The following SULT2B1 variants were observed in gnomAD, a reference collection of about 807,000 sequenced individuals.
SULT2B1 encodes the protein sulfotransferase 2B1.
A neutral mutation model predicts 33.2 loss-of-function variants in SULT2B1; 16 were observed. The observed-to-expected ratio is 0.48, with a 90% CI of 0.33 to 0.73. The LOEUF (loss-of-function observed/expected upper bound fraction) is 0.73. Ranked by LOEUF, SULT2B1 falls within the 30% of genes least tolerant of loss-of-function variation. The pLI is 0.02. For synonymous variants in SULT2B1, 186 were observed against 200.5 expected (o/e 0.93, Z 0.61); for missense variants, 500 against 506.0 (o/e 0.99, Z 0.11).
chr19:48,552,352 G>A lies in SULT2B1; in HGVS notation c.71+29G>A, dbSNP rs376808418. The A allele has an allele frequency of 2.5e-6, 4 of 1,611,966 alleles. No individual in the cohort carries two copies. The African/African-American group carries it at 5.3e-5, about 22-fold the overall frequency. On this transcript the variant is annotated intron_variant, in intron 1 of 6. Transcript: ENST00000201586. This position sits in a 1 kb window ranked among gnomAD's most constrained non-coding sequence, Gnocchi z 4.8. ...AGGCCCAGACCTGGGCAGGAGCCAG[G>A]AGATCCCAGGGAGGAGGTGGCTGTT...
chr19:48,562,190 C>A (rs1290189963), intron 1 of SULT2B1, among the ~76,000 whole-genome samples: 1 of 152,100 alleles, frequency 6.6e-6, no homozygotes, highest in African/African-American at 2.4e-5. Flanking sequence ...AGTTCAAGGC[C>A]AGCCTGGCTA....
At position 48,595,594 on chromosome 19, in the gene SULT2B1, CAGA is replaced by C. The variant is rs532859245; in HGVS notation, c.646-1142_646-1140del. On this transcript the variant is annotated intron_variant, in intron 5 of 6. Transcript: ENST00000201586. ...GGAATGTGTAGGGAATGGTGAGTCC[CAGA>C]AGGAGAGGGTGGGAAAGGTATTGGA... Among the ~76,000 whole-genome samples the C allele has an allele frequency of 8.1e-3, 1,222 of 151,198 alleles. 7 individuals carry two copies. Among genetic ancestry groups the C allele is most frequent in the Non-Finnish European group, 0.011 (768 of 67,914 alleles).
chr19:48,553,120 C>T (rs1439875726), intron 1 of SULT2B1, among the ~76,000 whole-genome samples: 2 of 152,000 alleles, frequency 1.3e-5, no homozygotes, highest in East Asian at 1.9e-4. Flanking sequence ...AGCGCAGAGG[C>T]CCAGAGAGGG....
intron 1 of SULT2B1, among the ~76,000 whole-genome samples, chr19:48,564,712 C>T (rs1397903878): frequency 6.6e-6 from 1 of 151,822 alleles, no homozygotes; most frequent in African/African-American, 2.4e-5. Context: ...TTTCAGGATA[C>T]ACTTAAATTT....
At chr19:48,569,369 T>A (rs1410206889) in intron 1 of SULT2B1, among the ~76,000 whole-genome samples, 917 of 13,960 alleles carry the variant, frequency 0.066, 11 homozygotes, top group South Asian at 0.12. Context: ...AAAACATATA[T>A]ATATATATAT....
chr19:48,571,363 A>G (rs948715974), intron 1 of SULT2B1, among the ~76,000 whole-genome samples: 4 of 149,490 alleles, frequency 2.7e-5, no homozygotes, highest in African/African-American at 9.9e-5. Context: ...TGCCCAGCTA[A>G]TTTTTGTATT....
At chr19:48,554,911 C>T (rs1364743752) in intron 1 of SULT2B1, among the ~76,000 whole-genome samples, 1 of 151,742 alleles carries the variant, frequency 6.6e-6, no homozygotes, top group East Asian at 1.9e-4. Context: ...AGGATTTGAA[C>T]CAGGGAAGCC....
At chr19:48,566,146 G>A (rs140792552) in intron 1 of SULT2B1, among the ~76,000 whole-genome samples, 1,818 of 151,846 alleles carry the variant, frequency 0.012, 37 homozygotes, top group African/African-American at 0.042. Context: ...TCCTGGTGTC[G>A]AACTCCTGAC....
At chr19:48,595,192 G>A (rs1311864493) in intron 5 of SULT2B1, among the ~76,000 whole-genome samples, 2 of 152,146 alleles carry the variant, frequency 1.3e-5, no homozygotes, top group African/African-American at 2.4e-5. Context: ...TGAGGCAGGA[G>A]AATCGCTTGA....
intron 1 of SULT2B1, among the ~76,000 whole-genome samples, chr19:48,553,318 T>G (rs1040752312): frequency 2.0e-5 from 3 of 152,156 alleles, no homozygotes; most frequent in African/African-American, 7.2e-5. Context: ...TTTTATTTTA[T>G]TTTTTTGAAA....
intron 1 of SULT2B1, among the ~76,000 whole-genome samples, chr19:48,561,774 T>C (rs902544180): frequency 3.3e-5 from 5 of 152,110 alleles, no homozygotes; most frequent in African/African-American, 7.2e-5. Context: ...ATCAGGCAGA[T>C]GTGGGTGAGA....
Position 48,599,119 on chromosome 19 carries a change from GC to G in SULT2B1, c.827-11del. On this transcript the variant is annotated splice_polypyrimidine_tract_variant and intron_variant, in intron 6 of 6. Transcript: ENST00000201586. The surrounding 1 kb of genome is among the most constrained non-coding windows in gnomAD (Gnocchi z 4.1). ...CCCCAGAGGCTCCTCACCCCCTGGT[GC>G]CCCCTCTTCTCCAGGGGTCTGCGGC... 2.6e-6 allele frequency: 4 copies of G among 1,560,262 alleles called. No homozygotes were observed. Among genetic ancestry groups the G allele is most frequent in the Admixed American group, 1.9e-5 (1 of 53,110 alleles).
intron 1 of SULT2B1, among the ~76,000 whole-genome samples, chr19:48,573,373 C>T (rs757694028): frequency 2.6e-5 from 4 of 152,052 alleles, no homozygotes; most frequent in East Asian, 3.9e-4. Context: ...AGGCCCTGGA[C>T]GTGTTTTGTG....
chr19:48,570,371 GT>G (rs1463961554), intron 1 of SULT2B1, among the ~76,000 whole-genome samples: 2 of 151,934 alleles, frequency 1.3e-5, no homozygotes, highest in African/African-American at 4.8e-5. Flanking sequence ...TAGAGACGGG[GT>G]TTCGCCATGT....
chr19:48,583,642 A>G (rs1023568045), intron 2 of SULT2B1, among the ~76,000 whole-genome samples: 2 of 151,990 alleles, frequency 1.3e-5, no homozygotes, highest in East Asian at 3.8e-4. Context: ...AAATGGCCAA[A>G]CCCCGTCTCT....
intron 1 of SULT2B1, among the ~76,000 whole-genome samples, chr19:48,571,639 A>AC (rs981448725): frequency 2.2e-4 from 23 of 104,490 alleles, no homozygotes; most frequent in Admixed American, 8.8e-5. Flanking sequence ...ACAATAACAA[A>AC]AGAAAAAAAC....
At chr19:48,561,368 G>A (rs1973175400) in intron 1 of SULT2B1, among the ~76,000 whole-genome samples, 1 of 151,854 alleles carries the variant, frequency 6.6e-6, no homozygotes, top group South Asian at 2.1e-4. Flanking sequence ...GGCAGAGGTT[G>A]CAGTGAGCCG....
chr19:48,555,116 G>T (rs1414743815), intron 1 of SULT2B1, among the ~76,000 whole-genome samples: 1 of 151,850 alleles, frequency 6.6e-6, no homozygotes, highest in Non-Finnish European at 1.5e-5. Context: ...TTTTGAGACG[G>T]AGTCTCACTC....
Position 48,552,610 on chromosome 19 carries a change from C to T in SULT2B1, c.71+287C>T, listed in dbSNP as rs1219797451. On this transcript the variant is annotated intron_variant, in intron 1 of 6. Coordinates refer to ENST00000201586, the MANE Select transcript of SULT2B1 (RefSeq NM_177973.2). The surrounding 1 kb of genome is among the most constrained non-coding windows in gnomAD (Gnocchi z 4.8). ...CTGTCTGTCAAAGGGGCCCACAAGC[C>T]CTGTGTCTCCCTGATAGAGCAGTGG... Among the ~76,000 whole-genome samples, 2 of 152,158 alleles carry T rather than the reference C, an allele frequency of 1.3e-5. No homozygotes were observed. The highest frequency in any genetic ancestry group is 2.9e-5 in the Non-Finnish European group (2 of 68,028).
Sources: allele counts gnomAD v4.1 joint callset (sites outside exome capture counted in the v4.1 genomes callset), GRCh38; gene constraint gnomAD v4.1.1; non-coding constraint Gnocchi (gnomAD v3.1); transcripts MANE v1.5; gene names NCBI Gene and HGNC (gene_info 2026-07-23, HGNC 2026-07-21).